TACC2: variants seen among roughly 807,000 people sequenced by gnomAD.
TACC2 encodes transforming acidic coiled-coil-containing protein 2.
TACC2 carries 137 observed loss-of-function variants against 227.3 expected under a neutral mutation model. The ratio of observed to expected loss-of-function variants is 0.60; its 90% confidence interval spans 0.52 to 0.69. The LOEUF (loss-of-function observed/expected upper bound fraction) is 0.69. Ranked by LOEUF, TACC2 falls within the 30% of genes least tolerant of loss-of-function variation. TACC2 has a pLI of 0.00. For synonymous variants in TACC2, 1,523 were observed against 1,487.5 expected (o/e 1.02, Z -0.55); for missense variants, 3,470 against 3,694.4 (o/e 0.94, Z 1.57).
rs138087790 is a variant in TACC2, at chr10:122,192,376, G to A, written c.5835-2664G>A. 4.9e-4 allele frequency: 134 copies of A among 274,626 alleles called. 1 individual carries two copies. Among genetic ancestry groups the A allele is most frequent in the Admixed American group, 1.6e-3 (36 of 23,014 alleles). 17.0% of individuals were successfully genotyped at this position (274,626 alleles called of 1,614,324 possible). On this transcript the variant is annotated intron_variant, in intron 7 of 22. Transcript: ENST00000369005. ...CAGGGGCTAGAACCGAGGGGCATCC[G>A]GCCCTCCCTGTTGCTTGCTTGTGCT...
rs1953516016 is a variant in TACC2, at chr10:121,996,476, C to T, written c.-46+6988C>T. Among the ~76,000 whole-genome samples, 4 of 152,272 alleles carry T rather than the reference C, an allele frequency of 2.6e-5. No homozygotes were observed. The South Asian group carries it at 8.3e-4, about 32-fold the overall frequency. ...CCGCCCCCATGACCTCCCACCAGGC[C>T]CCACTTCCAATGCTGGGGATCACAT... On this transcript the variant is annotated intron_variant, in intron 1 of 22. Coordinates refer to ENST00000369005, the MANE Select transcript of TACC2 (RefSeq NM_206862.4).
intron 3 of TACC2, among the ~76,000 whole-genome samples, chr10:122,070,722 C>A (rs2077944409): frequency 7.3e-6 from 1 of 137,436 alleles, no homozygotes; most frequent in Non-Finnish European, 1.5e-5. Context: ...CATTGCACTC[C>A]AGCCTGGGCA....
At chr10:122,237,578 T>A in intron 17 of TACC2, 40 bp downstream of exon 17, 1 of 1,587,656 alleles carries the variant, frequency 6.3e-7, no homozygotes. Context: ...TTCCTGCCAC[T>A]TATAAATACG....
intron 1 of TACC2, among the ~76,000 whole-genome samples, chr10:122,011,236 G>A (rs563645064): frequency 5.0e-4 from 76 of 152,316 alleles, no homozygotes; most frequent in African/African-American, 1.7e-3. Context: ...GGGACATAGT[G>A]TGGCTGGGGA....
intron 1 of TACC2, among the ~76,000 whole-genome samples, chr10:121,991,551 T>C (rs1048248488): frequency 2.0e-5 from 3 of 152,206 alleles, no homozygotes; most frequent in African/African-American, 7.2e-5. Context: ...GAATGAATGT[T>C]TTGGTCAAGA....
chr10:122,013,231 G>T (rs1956166048), intron 1 of TACC2, among the ~76,000 whole-genome samples: 1 of 152,138 alleles, frequency 6.6e-6, no homozygotes, highest in African/African-American at 2.4e-5. Context: ...GGCCTCCAAG[G>T]TGGAGGAAAG....
In TACC2 at chr10:122,087,376, C is replaced by T; in HGVS notation, c.4876C>T (p.His1626Tyr). ...GDFAHTGVPG[H>Y]VPRSTCAPSP... ...CTTTGCTCACACAGGGGTTCCAGGACATGTGCCAAGGTCCACGTGTGCCCC... is the reference window on the plus strand; with the variant it reads ...CTTTGCTCACACAGGGGTTCCAGGATATGTGCCAAGGTCCACGTGTGCCCC... Residue 1626 changes from histidine (H) to tyrosine (Y), a missense_variant, in exon 4 of 23, where the codon CAT (histidine) becomes TAT (tyrosine). Physicochemically the swap from His to Tyr is moderately conservative, Grantham distance 83. Around this residue, in one of 10 missense-constraint regions of TACC2, gnomAD observed 1,924 missense variants for 1,978.3 expected, o/e 0.97. Transcript: ENST00000369005. 1 of 1,614,072 alleles carries T rather than the reference C, an allele frequency of 6.2e-7. No homozygotes were observed. Among genetic ancestry groups the T allele is most frequent in the African/African-American group, 1.3e-5 (1 of 75,068 alleles).
At chr10:122,108,750 T>TC (rs2083240595) in intron 5 of TACC2, among the ~76,000 whole-genome samples, 2 of 150,792 alleles carry the variant, frequency 1.3e-5, no homozygotes, top group Non-Finnish European at 2.9e-5. Flanking sequence ...CTTCTTTTTT[T>TC]CTTTTCTTGA....
At chr10:122,176,078 T>C (rs1339314042) in intron 7 of TACC2, among the ~76,000 whole-genome samples, 5 of 65,686 alleles carry the variant, frequency 7.6e-5, no homozygotes, top group Non-Finnish European at 9.8e-5. Context: ...AAACCTTCTC[T>C]CTCTCTCTCT....
chr10:122,069,304 C>G (rs1591652144), intron 3 of TACC2, among the ~76,000 whole-genome samples: 1 of 152,020 alleles, frequency 6.6e-6, no homozygotes, highest in Non-Finnish European at 1.5e-5. Flanking sequence ...TGCAGTGGCG[C>G]CATCTCGGCT....
At chr10:122,101,531 G>GA (rs397846540) in intron 5 of TACC2, among the ~76,000 whole-genome samples, 1 of 150,888 alleles carries the variant, frequency 6.6e-6, no homozygotes, top group East Asian at 2.0e-4. Flanking sequence ...ACCAGCCTGG[G>GA]CAACATGGCA....
chr10:122,120,545 ACAT>A (rs1192690601), intron 5 of TACC2, among the ~76,000 whole-genome samples: 1 of 152,068 alleles, frequency 6.6e-6, no homozygotes, highest in Non-Finnish European at 1.5e-5. Context: ...TCTTTGTCGC[ACAT>A]CATGAGTCGA....
In TACC2 at chr10:122,043,460, TC is replaced by T. The variant is rs2074552265; in HGVS notation, c.34-6977del. Among the ~76,000 whole-genome samples, 4 of 21,504 alleles carry T rather than the reference TC, an allele frequency of 1.9e-4. No homozygotes were observed. The South Asian group carries it at 9.5e-3, about 51-fold the overall frequency. 14.1% of individuals were successfully genotyped at this position (21,504 alleles called of 152,430 possible). On this transcript the variant is annotated intron_variant, in intron 2 of 22. Transcript: ENST00000369005. ...TTAGATTTCTTTCTTTCTTTCTTTCTCTTTCTTTCTTTCTTTTTCTCTTTCT... is the reference window on the plus strand; with the variant it reads ...TTAGATTTCTTTCTTTCTTTCTTTCTTTTCTTTCTTTCTTTTTCTCTTTCT...
At chr10:122,028,739 TCCCC>T (rs1958425040) in intron 2 of TACC2, among the ~76,000 whole-genome samples, 3 of 118,686 alleles carry the variant, frequency 2.5e-5, no homozygotes, top group Admixed American at 9.0e-5. Flanking sequence ...TCCTTCCCCC[TCCCC>T]TCTCCTCCCT....
chr10:122,236,587 GATTC>G (rs1001237381), intron 16 of TACC2, among the ~76,000 whole-genome samples: 3 of 35,814 alleles, frequency 8.4e-5, no homozygotes, highest in African/African-American at 5.7e-4. Flanking sequence ...AATAACCACA[GATTC>G]CTCCTCCTCA....
rs144391461 is a variant in TACC2 at position 122,057,327 on chromosome 10, T to C, written c.146+6777T>C. Among the ~76,000 whole-genome samples the C allele has an allele frequency of 8.5e-3, 1,300 of 152,162 alleles. 9 individuals are homozygous for C. The highest frequency in any genetic ancestry group is 0.014 in the Non-Finnish European group (922 of 67,996). ...CGGCTGGAAGGGGCACTAGGGGATG[T>C]TGTTGTAGTAGAGGAATGGTGGCCA... On this transcript the variant is annotated intron_variant, in intron 3 of 22. Coordinates refer to ENST00000369005, the MANE Select transcript of TACC2 (RefSeq NM_206862.4).
At chr10:122,075,764 A>G (rs57182949) in intron 3 of TACC2, among the ~76,000 whole-genome samples, 1 of 152,254 alleles carries the variant, frequency 6.6e-6, no homozygotes, top group South Asian at 2.1e-4. Flanking sequence ...CGCAGAATAC[A>G]TGAAACTGGA....
At chr10:122,108,052 C>T (rs904031645) in intron 5 of TACC2, among the ~76,000 whole-genome samples, 90 of 151,254 alleles carry the variant, frequency 6.0e-4, no homozygotes, top group Non-Finnish European at 1.0e-3. Context: ...CCACCACGCC[C>T]GGCTAATTTT....
At chr10:122,238,369 C>T (rs561756503) in intron 18 of TACC2, among the ~76,000 whole-genome samples, 1 of 152,332 alleles carries the variant, frequency 6.6e-6, no homozygotes, top group African/African-American at 2.4e-5. Context: ...ACAAATGTAA[C>T]AATGAGTGTA....
Sources: gnomAD v4.1 joint callset for allele counts (sites outside exome capture counted in the v4.1 genomes callset) on GRCh38, gnomAD v4.1.1 for gene constraint, gnomAD v4.1.1 regional missense constraint, MANE v1.5 for transcripts, NCBI Gene and HGNC (gene_info 2026-07-23, HGNC 2026-07-21) for gene names.